Variants in ITPRIP observed in about 807,000 individuals in gnomAD.
ITPRIP encodes inositol 1,4,5-trisphosphate receptor interacting protein.
In ITPRIP, 32 loss-of-function variants were observed where a neutral mutation model predicts 35.8. The ratio of observed to expected loss-of-function variants is 0.89; its 90% CI spans 0.68 to 1.20. The LOEUF is 1.20. ITPRIP is among the 50% of genes most tolerant of loss of function. ITPRIP has a pLI of 0.00. For missense variants in ITPRIP, 653 were observed against 735.6 expected, an observed-to-expected ratio of 0.89 and a Z score of 1.30; for synonymous variants, 358 against 324.0, an observed-to-expected ratio of 1.11 and a Z score of -1.13.
Position 104,333,249 on chromosome 10 carries a change from A to T in ITPRIP, c.-14+4997T>A, listed in dbSNP as rs2014185139. ...CTAAAGACCCACCACCAACTGACAC[A>T]GCCCAGATCTGAGACTGCAGCACCT... is the stretch of plus-strand genomic sequence containing the variant. On this transcript the variant is annotated intron_variant, in intron 1 of 1. Coordinates refer to ENST00000337478, the MANE Select transcript of ITPRIP (RefSeq NM_001272013.2). This position sits in a 1 kb window ranked among gnomAD's most constrained non-coding sequence, Gnocchi z 4.1. The T allele has an allele frequency of 1.3e-5, 2 of 152,444 alleles. No individual in the cohort carries two copies. Among genetic ancestry groups the T allele is most frequent in the Admixed American group, 6.5e-5 (1 of 15,282 alleles). 9.4% of individuals were successfully genotyped at this position (152,444 alleles called of 1,614,324 possible).
chr10:104,314,744 G>T lies in ITPRIP; in HGVS notation c.1308C>A (p.Ala436=), dbSNP rs2013590062. 1 of 1,613,750 alleles carries T rather than the reference G, an allele frequency of 6.2e-7. No individual in the cohort carries two copies. The highest frequency in any genetic ancestry group is 1.7e-5 in the Admixed American group (1 of 60,006). ...SGLSSYHLKT[A]LLHLLLLRQA... ...GCCGGAGGAGTAGGAGGTGCAGTAGGGCCGTCTTCAGGTGGTAGCTGCTGA... is the reference window on the plus strand; with the variant it reads ...GCCGGAGGAGTAGGAGGTGCAGTAGTGCCGTCTTCAGGTGGTAGCTGCTGA... The change falls in exon 2 of 2, where the codon GCC becomes GCA. Residue 436 remains alanine (A), a synonymous_variant. Coordinates refer to ENST00000337478, the MANE Select transcript of ITPRIP (RefSeq NM_001272013.2).
intron 1 of ITPRIP, among the ~76,000 whole-genome samples, chr10:104,318,403 G>A (rs960204689): frequency 1.3e-5 from 2 of 152,192 alleles, no homozygotes; most frequent in Non-Finnish European, 2.9e-5. Flanking sequence ...ATCACAGGCA[G>A]CCACCTTTGG....
chr10:104,316,045 T>A lies in ITPRIP; in HGVS notation c.7A>T (p.Met3Leu), dbSNP rs749700767. Residue 3 changes from methionine (M) to leucine (L), a missense_variant, in exon 2 of 2, where the codon ATG (methionine) becomes TTG (leucine). Met to Leu is a conservative substitution (Grantham distance 15). Coordinates refer to ENST00000337478, the MANE Select transcript of ITPRIP (RefSeq NM_001272013.2). MA[M>L]GLFRVCLVVV... ...ACCAGACACACGCGGAAGAGCCCCA[T>A]GGCCATGGTTGGAGCTTTCCTGGGA... The A allele has an allele frequency of 1.9e-6, 3 of 1,571,912 alleles. No homozygotes were observed. Among genetic ancestry groups the A allele is most frequent in the East Asian group, 4.5e-5 (2 of 44,662 alleles).
Position 104,314,409 on chromosome 10 carries a change from C to A in ITPRIP, c.1643G>T (p.Ter548LeuextTer11). 1.2e-6 allele frequency: 2 copies of A among 1,604,154 alleles called. No homozygotes were observed. The highest frequency in any genetic ancestry group is 4.5e-5 in the East Asian group (2 of 44,718). The change falls in exon 2 of 2, where the codon TGA (stop) becomes TTA (leucine). Residue 548 changes from the stop codon to leucine (L), a stop_lost. Transcript: ENST00000337478. Reference sequence around the variant, plus strand: ...GGATCCCACATTCTGTAAAAGACGTCAGCTTTTTGGGGTAGGCTGGTCTGA... The same window carrying A: ...GGATCCCACATTCTGTAAAAGACGTAAGCTTTTTGGGGTAGGCTGGTCTGA... The part of the protein sequence containing the change: ...VPSDQPTPKS[*>L]
Position 104,315,942 on chromosome 10 carries a change from A to T in ITPRIP, c.110T>A (p.Ile37Asn). The change falls in exon 2 of 2, where the codon ATC becomes AAC. Residue 37 changes from isoleucine (I) to asparagine (N), a missense_variant. Physicochemically the swap from Ile to Asn is moderately radical, Grantham distance 149 (BLOSUM62 -3). Transcript: ENST00000337478. This position sits in a 1 kb window ranked among gnomAD's most constrained non-coding sequence, Gnocchi z 5.7. Reference sequence around the variant, plus strand: ...CTGGTGCGCCTGCATCTTGCGGATGATCTCCTCCTCGTTCTCGGGGACTGT... The same window carrying T: ...CTGGTGCGCCTGCATCTTGCGGATGTTCTCCTCCTCGTTCTCGGGGACTGT... Reference protein sequence around the residue: ...NATVPENEEEIIRKMQAHQEK... With the variant: ...NATVPENEEENIRKMQAHQEK... 1 of 1,613,572 alleles carries T rather than the reference A, an allele frequency of 6.2e-7. No individual in the cohort carries two copies. The highest frequency in any genetic ancestry group is 8.5e-7 in the Non-Finnish European group (1 of 1,179,938).
chr10:104,314,272 G>A lies in ITPRIP; in HGVS notation c.*136C>T, dbSNP rs2013565244. On this transcript the variant is annotated 3_prime_UTR_variant, in exon 2 of 2. Transcript: ENST00000337478. ...TGTTTCCTCTGCACTGTAGGGCTTG[G>A]CTTCCTGGCAGGCTGAGCACGGCTC... is the stretch of plus-strand genomic sequence containing the variant. The A allele has an allele frequency of 2.0e-6, 3 of 1,497,642 alleles. No individual in the cohort carries two copies. Among genetic ancestry groups the A allele is most frequent in the Non-Finnish European group, 2.7e-6 (3 of 1,127,372 alleles). The allele number at this position is 1,497,642 out of a possible 1,614,324, so 92.8% of individuals were successfully genotyped here.
At chr10:104,320,748 G>A (rs1366133876) in intron 1 of ITPRIP, among the ~76,000 whole-genome samples, 2 of 152,068 alleles carry the variant, frequency 1.3e-5, no homozygotes, top group Non-Finnish European at 2.9e-5. Flanking sequence ...ATGTTGGCCA[G>A]GCTGGTCTCG....
intron 1 of ITPRIP, among the ~76,000 whole-genome samples, chr10:104,337,065 C>G (rs960545454): frequency 3.3e-5 from 5 of 152,166 alleles, no homozygotes; most frequent in African/African-American, 1.2e-4. Flanking sequence ...CAATGAAAGC[C>G]ACTTAGGCAC....
At position 104,315,978 on chromosome 10, in the gene ITPRIP, C is replaced by T. The variant is rs370479318; in HGVS notation, c.74G>A (p.Arg25Gln). The T allele has an allele frequency of 8.2e-5, 132 of 1,612,958 alleles. No individual in the cohort carries two copies. Among genetic ancestry groups the T allele is most frequent in the Non-Finnish European group, 1.0e-4 (122 of 1,179,738 alleles). ...AIINHPLLFP[R>Q]ENATVPENEE... ...GTTCTCGGGGACTGTGGCGTTCTCC[C>T]GCGGGAACAGCAGCGGGTGGTTGAT... The change falls in exon 2 of 2, where the codon CGG becomes CAG. Residue 25 changes from arginine (R) to glutamine (Q), a missense_variant. Physicochemically the swap from Arg to Gln is conservative, Grantham distance 43 (BLOSUM62 1). Coordinates refer to ENST00000337478, the MANE Select transcript of ITPRIP (RefSeq NM_001272013.2). This position sits in a 1 kb window ranked among gnomAD's most constrained non-coding sequence, Gnocchi z 5.7.
chr10:104,316,039 G>C lies in ITPRIP; in HGVS notation c.13C>G (p.Leu5Val). 3 of 1,580,440 alleles carry C rather than the reference G, an allele frequency of 1.9e-6. No individual in the cohort carries two copies. Among genetic ancestry groups the C allele is most frequent in the Non-Finnish European group, 2.6e-6 (3 of 1,164,718 alleles). The change falls in exon 2 of 2, where the codon CTC (leucine) becomes GTC (valine). Residue 5 changes from leucine (L) to valine (V), a missense_variant. Leu to Val is a conservative substitution (Grantham distance 32). Transcript: ENST00000337478. Reference sequence around the variant, plus strand: ...ACCACCACCAGACACACGCGGAAGAGCCCCATGGCCATGGTTGGAGCTTTC... The same window carrying C: ...ACCACCACCAGACACACGCGGAAGACCCCCATGGCCATGGTTGGAGCTTTC... Reference protein sequence around the residue: MAMGLFRVCLVVVTA... With the variant: MAMGVFRVCLVVVTA...
chr10:104,313,653 G>A lies in ITPRIP; in HGVS notation c.*755C>T, dbSNP rs2013546457. The A allele has an allele frequency of 9.1e-6, 9 of 985,504 alleles. No individual in the cohort carries two copies. The highest frequency in any genetic ancestry group is 5.2e-4 in the Middle Eastern group (1 of 1,914). 61.0% of individuals were successfully genotyped at this position (985,504 alleles called of 1,614,324 possible). A position where few individuals can be genotyped will look rare whatever the true frequency, so the allele number is the denominator to read the frequency against. On this transcript the variant is annotated 3_prime_UTR_variant, in exon 2 of 2. Coordinates refer to ENST00000337478, the MANE Select transcript of ITPRIP (RefSeq NM_001272013.2). The stretch of plus-strand genomic sequence containing the variant: ...AGTGTGGCAAATACCCACCACGCTC[G>A]GGACCCAGTACGTTGGGGAAAGGAC...
Position 104,312,503 on chromosome 10 carries a change from G to T in ITPRIP, c.*1905C>A. On this transcript the variant is annotated 3_prime_UTR_variant, in exon 2 of 2. Transcript: ENST00000337478. ...AAATGCATCTGATGGAATGAGGAGG[G>T]TCAGGCTGTGAGGGATTGGGGGTAG... 2.6e-6 allele frequency: 1 copy of T among 390,266 alleles called. No individual in the cohort carries two copies. Among genetic ancestry groups the T allele is most frequent in the Non-Finnish European group, 3.5e-6 (1 of 285,560 alleles). 24.2% of individuals were successfully genotyped at this position (390,266 alleles called of 1,614,324 possible). A position where few individuals can be genotyped will look rare whatever the true frequency, so the allele number is the denominator to read the frequency against.
rs758378064 is a variant in ITPRIP at position 104,314,456 on chromosome 10, G to A, written c.1596C>T (p.Ser532=). 9 of 1,613,904 alleles carry A rather than the reference G, an allele frequency of 5.6e-6. No homozygotes were observed. The African/African-American group carries it at 8.0e-5, about 14-fold the overall frequency. The change falls in exon 2 of 2, where the codon AGC becomes AGT. Residue 532 remains serine, a synonymous_variant. Transcript: ENST00000337478. ...CTGAGGGGACATGTAGGGAATACTC[G>A]CTAATGAGCGCTGGGGCATTCTTGA... ...EMLKNAPALI[S]EYSLHVPSDQ... is the part of the protein sequence containing the mutation.
Position 104,314,213 on chromosome 10 carries a change from T to C in ITPRIP, c.*195A>G, listed in dbSNP as rs994194870. ...TAACAGCTTTACCAGCAGATCCCAATGGTATGAAGCAAACCAGCTTCCCGT... is the reference window on the plus strand; with the variant it reads ...TAACAGCTTTACCAGCAGATCCCAACGGTATGAAGCAAACCAGCTTCCCGT... On this transcript the variant is annotated 3_prime_UTR_variant, in exon 2 of 2. Transcript: ENST00000337478. The C allele has an allele frequency of 7.2e-7, 1 of 1,395,278 alleles. No homozygotes were observed. 86.4% of individuals were successfully genotyped at this position (1,395,278 alleles called of 1,614,324 possible). A position where few individuals can be genotyped will look rare whatever the true frequency, so the allele number is the denominator to read the frequency against.
chr10:104,314,608 G>T lies in ITPRIP; in HGVS notation c.1444C>A (p.Arg482Ser). The part of the protein sequence containing the change: ...KKLHHFFIGN[R>S]KVPEAMGLPE... ...AGTCCCATGGCCTCAGGCACCTTGCGGTTGCCGATGAAGAAGTGGTGGAGC... is the reference window on the plus strand; with the variant it reads ...AGTCCCATGGCCTCAGGCACCTTGCTGTTGCCGATGAAGAAGTGGTGGAGC... Residue 482 changes from arginine (R) to serine (S), a missense_variant, in exon 2 of 2, where the codon CGC becomes AGC. Coordinates refer to ENST00000337478, the MANE Select transcript of ITPRIP (RefSeq NM_001272013.2). The T allele has an allele frequency of 6.2e-7, 1 of 1,614,156 alleles. No homozygotes were observed. Among genetic ancestry groups the T allele is most frequent in the Non-Finnish European group, 8.5e-7 (1 of 1,180,010 alleles).
intron 1 of ITPRIP, among the ~76,000 whole-genome samples, chr10:104,323,074 G>A (rs909184081): frequency 1.3e-5 from 2 of 152,158 alleles, no homozygotes; most frequent in African/African-American, 2.4e-5. Context: ...GGTAGAAACC[G>A]AGGCCTCAAG....
In ITPRIP at chr10:104,313,004, G is replaced by A. The variant is rs1380093381; in HGVS notation, c.*1404C>T. 4.1e-6 allele frequency: 4 copies of A among 985,316 alleles called. No homozygotes were observed. The highest frequency in any genetic ancestry group is 2.3e-4 in the East Asian group (2 of 8,814). The allele number at this position is 985,316 out of a possible 1,614,324, so 61.0% of individuals were successfully genotyped here. On this transcript the variant is annotated 3_prime_UTR_variant, in exon 2 of 2. Transcript: ENST00000337478. The stretch of plus-strand genomic sequence containing the variant: ...ATCCCCCTGAACCAGACCTGGAGAC[G>A]GAGCCCAGCTCCAACCACAGAGCTT...
rs2135213088 is a variant in ITPRIP, at chr10:104,333,212, C to T, written c.-14+5034G>A. On this transcript the variant is annotated intron_variant, in intron 1 of 1. Transcript: ENST00000337478. This position sits in a 1 kb window ranked among gnomAD's most constrained non-coding sequence, Gnocchi z 4.1. ...ACTGCAGCTGTCAGCACTGCGCTCTCTGACCCAAGGCCTAAAGACCCACCA... is the reference window on the plus strand; with the variant it reads ...ACTGCAGCTGTCAGCACTGCGCTCTTTGACCCAAGGCCTAAAGACCCACCA... The T allele has an allele frequency of 6.6e-6, 1 of 152,542 alleles. No individual in the cohort carries two copies. The highest frequency in any genetic ancestry group is 2.1e-4 in the South Asian group (1 of 4,828). 9.4% of individuals were successfully genotyped at this position (152,542 alleles called of 1,614,324 possible).
At chr10:104,320,882 T>C (rs889602572) in intron 1 of ITPRIP, among the ~76,000 whole-genome samples, 1 of 152,168 alleles carries the variant, frequency 6.6e-6, no homozygotes, top group African/African-American at 2.4e-5. Context: ...CCCAACTGTC[T>C]GGGGCACATA....
Sources: gnomAD v4.1 joint callset for allele counts (sites outside exome capture counted in the v4.1 genomes callset) on GRCh38, gnomAD v4.1.1 for gene constraint, Gnocchi (gnomAD v3.1) non-coding constraint, MANE v1.5 for transcripts, NCBI Gene and HGNC (gene_info 2026-07-23, HGNC 2026-07-21) for gene names.